The following SAP30L variants were observed in gnomAD, a reference collection of about 807,000 sequenced individuals.
The protein encoded by SAP30L is SAP30 like.
SAP30L carries 10 observed loss-of-function variants against 22.3 expected under a neutral mutation model. The ratio of observed to expected loss-of-function variants is 0.45; its 90% CI spans 0.28 to 0.76. The LOEUF is 0.76. Among genes scored for constraint, SAP30L ranks in the 30% least tolerant of loss-of-function variants. The probability of loss-of-function intolerance (pLI) is 0.14; values close to 1 mark genes in which losing one functional copy is unlikely to be tolerated. For synonymous variants in SAP30L, 91 were observed against 94.1 expected, an observed-to-expected ratio of 0.97 and a Z score of 0.19; for missense variants, 206 against 237.9, an observed-to-expected ratio of 0.87 and a Z score of 0.88.
chr5:154,448,610 A>C (rs912516304), intron 1 of SAP30L, among the ~76,000 whole-genome samples: 3 of 152,222 alleles, frequency 2.0e-5, no homozygotes, highest in African/African-American at 7.2e-5. Flanking sequence ...TCCAGTCCTT[A>C]AAAGAATCTT....
intron 1 of SAP30L, among the ~76,000 whole-genome samples, chr5:154,449,987 A>G (rs1028403556): frequency 6.6e-6 from 1 of 152,244 alleles, no homozygotes; most frequent in Non-Finnish European, 1.5e-5. Flanking sequence ...TATTTTCTCC[A>G]TGAAAAGGTC....
At chr5:154,453,629 T>TA in intron 3 of SAP30L, 129 bp downstream of exon 3, 1 of 677,090 alleles carries the variant, frequency 1.5e-6, no homozygotes, top group East Asian at 2.7e-5. Flanking sequence ...CAACTCTGTA[T>TA]TCCTCTTTGG....
intron 3 of SAP30L, among the ~76,000 whole-genome samples, chr5:154,454,714 C>T (rs1304043323): frequency 1.3e-5 from 2 of 152,176 alleles, no homozygotes; most frequent in African/African-American, 2.4e-5. Flanking sequence ...CCAGTGTTCT[C>T]CCTGGTGGAA....
intron 3 of SAP30L, 109 bp from the exon 4 acceptor site, chr5:154,455,791 A>G (rs1757250537): frequency 7.3e-7 from 1 of 1,364,734 alleles, no homozygotes; most frequent in African/African-American, 1.5e-5. Context: ...AGCATTTGTC[A>G]TTCCCGCCAC....
intron 3 of SAP30L, 102 bp downstream of exon 3, chr5:154,453,602 C>G: frequency 1.2e-6 from 1 of 830,488 alleles, no homozygotes; most frequent in East Asian, 2.5e-5. Context: ...TTGTAATTTC[C>G]TCCAGAGTTC....
rs1582047979 is a variant in SAP30L at position 154,458,670 on chromosome 5, C to T, written c.*2642C>T. Reference sequence around the variant, plus strand: ...GTCTTCTTAAAGAGTATGGTTCCTGCCTCAGTTCCAGCCTGGTATGGTTCT... The same window carrying T: ...GTCTTCTTAAAGAGTATGGTTCCTGTCTCAGTTCCAGCCTGGTATGGTTCT... On this transcript the variant is annotated 3_prime_UTR_variant, in exon 4 of 4. Transcript: ENST00000297109. The T allele has an allele frequency of 6.6e-6, 1 of 152,192 alleles. No homozygotes were observed. The highest frequency in any genetic ancestry group is 1.9e-4 in the East Asian group (1 of 5,198). The allele number at this position is 152,192 out of a possible 1,614,324, so 9.4% of individuals were successfully genotyped here.
At chr5:154,454,459 A>C (rs918111951) in intron 3 of SAP30L, among the ~76,000 whole-genome samples, 11 of 152,248 alleles carry the variant, frequency 7.2e-5, no homozygotes, top group African/African-American at 2.4e-4. Context: ...GAAAAGAAAA[A>C]TATAATTCTA....
Position 154,446,579 on chromosome 5 carries a change from C to T in SAP30L, c.-26C>T, listed in dbSNP as rs926923277. On this transcript the variant is annotated 5_prime_UTR_variant, in exon 1 of 4. Transcript: ENST00000297109. ...GAGTGGCCTACCGGGGACCCTCCCC[C>T]AGAGGGACCGGCCCGGGGCGGGGAG... is the stretch of plus-strand genomic sequence containing the variant. 4.6e-5 allele frequency: 66 copies of T among 1,443,330 alleles called. No individual in the cohort carries two copies. The highest frequency in any genetic ancestry group is 5.5e-5 in the Admixed American group (2 of 36,224). 89.4% of individuals were successfully genotyped at this position (1,443,330 alleles called of 1,614,324 possible).
At position 154,455,917 on chromosome 5, in the gene SAP30L, C is replaced by G. The variant is rs990632261; in HGVS notation, c.441C>G (p.Phe147Leu). The change falls in exon 4 of 4, where the codon TTC becomes TTG. Residue 147 changes from phenylalanine (F) to leucine (L), a missense_variant. By Grantham distance (22) the Phe-to-Leu change is conservative (BLOSUM62 0). Transcript: ENST00000297109. Reference protein sequence around the residue: ...AQLAETVSRHFRNIPVNEKET... With the variant: ...AQLAETVSRHLRNIPVNEKET... ...CCACATAGACTGTGAGTCGACACTTCAGGAACATACCTGTGAATGAAAAAG... is the reference window on the plus strand; with the variant it reads ...CCACATAGACTGTGAGTCGACACTTGAGGAACATACCTGTGAATGAAAAAG... 1 of 1,613,588 alleles carries G rather than the reference C, an allele frequency of 6.2e-7. No homozygotes were observed. Among genetic ancestry groups the G allele is most frequent in the Non-Finnish European group, 8.5e-7 (1 of 1,179,834 alleles).
In SAP30L at chr5:154,456,085, A is replaced by C; in HGVS notation, c.*57A>C. ...AATGCTTGATGCACAGGTGATATCT[A>C]CTACATTTAAGCCCATAAAGACTGT... On this transcript the variant is annotated 3_prime_UTR_variant, in exon 4 of 4. Coordinates refer to ENST00000297109, the MANE Select transcript of SAP30L (RefSeq NM_024632.6). 6.4e-7 allele frequency: 1 copy of C among 1,556,810 alleles called. No homozygotes were observed. Among genetic ancestry groups the C allele is most frequent in the Non-Finnish European group, 8.7e-7 (1 of 1,147,278 alleles).
intron 1 of SAP30L, 65 bp downstream of exon 1, chr5:154,446,870 TC>T: frequency 7.0e-7 from 1 of 1,425,576 alleles, no homozygotes; most frequent in African/African-American, 1.4e-5. Flanking sequence ...TGCCCTGGGC[TC>T]CAGTCGGGAC....
In SAP30L at chr5:154,446,659, G is replaced by T; in HGVS notation, c.55G>T (p.Ala19Ser). ...CCGCGAAGGGCCCCCCGCCGCCCCA[G>T]CTGCCGCCGCCCCGGGCTACGGCCA... ...DSREGPPAAP[A>S]AAAPGYGQSC... The change falls in exon 1 of 4, where the codon GCT (alanine) becomes TCT (serine). Residue 19 changes from alanine to serine, a missense_variant. Transcript: ENST00000297109. 1 of 1,544,692 alleles carries T rather than the reference G, an allele frequency of 6.5e-7. No individual in the cohort carries two copies. Among genetic ancestry groups the T allele is most frequent in the South Asian group, 1.2e-5 (1 of 84,274 alleles).
At chr5:154,450,626 C>G (rs1003705118) in intron 1 of SAP30L, among the ~76,000 whole-genome samples, 1 of 152,140 alleles carries the variant, frequency 6.6e-6, no homozygotes, top group Admixed American at 6.5e-5. Context: ...CCCCTGATGC[C>G]TCACTTTTTC....
At chr5:154,447,860 T>TA (rs1157466075) in intron 1 of SAP30L, among the ~76,000 whole-genome samples, 84 of 152,060 alleles carry the variant, frequency 5.5e-4, no homozygotes, top group Non-Finnish European at 2.1e-4. Flanking sequence ...GTTAATTTCT[T>TA]AAAGATATTA....
At position 154,453,527 on chromosome 5, in the gene SAP30L, G is replaced by C. The variant is rs745316286; in HGVS notation, c.423+27G>C. On this transcript the variant is annotated intron_variant, in intron 3 of 3. Transcript: ENST00000297109. ...TAGGTAGACAAAATTGCCCTCTAAA[G>C]AGAGCCAGCATTGTGCTGCTTCTGA... 4 of 1,450,706 alleles carry C rather than the reference G, an allele frequency of 2.8e-6. No individual in the cohort carries two copies. The South Asian group carries it at 4.6e-5, about 17-fold the overall frequency. The allele number at this position is 1,450,706 out of a possible 1,614,324, so 89.9% of individuals were successfully genotyped here. A position where few individuals can be genotyped will look rare whatever the true frequency, so the allele number is the denominator to read the frequency against.
In SAP30L at chr5:154,458,174, C is replaced by G. The variant is rs1757302773; in HGVS notation, c.*2146C>G. 1 of 152,234 alleles carries G rather than the reference C, an allele frequency of 6.6e-6. No homozygotes were observed. The highest frequency in any genetic ancestry group is 1.5e-5 in the Non-Finnish European group (1 of 68,046). 9.4% of individuals were successfully genotyped at this position (152,234 alleles called of 1,614,324 possible). On this transcript the variant is annotated 3_prime_UTR_variant, in exon 4 of 4. Transcript: ENST00000297109. Reference sequence around the variant, plus strand: ...GAAACCTGGGGAAATGTTTTACCTTCAGCCAGATGCTGTGTGTGTACTTGG... The same window carrying G: ...GAAACCTGGGGAAATGTTTTACCTTGAGCCAGATGCTGTGTGTGTACTTGG...
In SAP30L at chr5:154,456,193, G is replaced by C; in HGVS notation, c.*165G>C. 1.7e-6 allele frequency: 1 copy of C among 599,114 alleles called. No homozygotes were observed. The allele number at this position is 599,114 out of a possible 1,614,324, so 37.1% of individuals were successfully genotyped here. On this transcript the variant is annotated 3_prime_UTR_variant, in exon 4 of 4. Transcript: ENST00000297109. ...AGGAGGATTATATTCTCATGATTCA[G>C]CATGTGTATAGAAAGACTTTCTTTT...
At position 154,453,463 on chromosome 5, in the gene SAP30L, A is replaced by G; in HGVS notation, c.386A>G (p.Gln129Arg). 6.2e-7 allele frequency: 1 copy of G among 1,614,138 alleles called. No individual in the cohort carries two copies. Among genetic ancestry groups the G allele is most frequent in the Non-Finnish European group, 8.5e-7 (1 of 1,179,950 alleles). The part of the protein sequence containing the change: ...LRRYKRHYKL[Q>R]TRPGFNKAQL... Reference sequence around the variant, plus strand: ...CGTTATAAACGACACTACAAGTTGCAGACCAGACCAGGCTTCAATAAGGCC... The same window carrying G: ...CGTTATAAACGACACTACAAGTTGCGGACCAGACCAGGCTTCAATAAGGCC... The change falls in exon 3 of 4, where the codon CAG (glutamine) becomes CGG (arginine). Residue 129 changes from glutamine to arginine, a missense_variant. By Grantham distance (43) the Gln-to-Arg change is conservative. Around this residue, in one of 2 missense-constraint regions of SAP30L, gnomAD observed 136 missense variants for 187.4 expected, o/e 0.73. Coordinates refer to ENST00000297109, the MANE Select transcript of SAP30L (RefSeq NM_024632.6).
intron 1 of SAP30L, among the ~76,000 whole-genome samples, chr5:154,448,861 T>G (rs1013648805): frequency 4.6e-5 from 7 of 152,308 alleles, no homozygotes; most frequent in Admixed American, 1.3e-4. Context: ...TAAGGTGGTG[T>G]TGTGGAGTCA....
Sources: allele counts gnomAD v4.1 joint callset (sites outside exome capture counted in the v4.1 genomes callset), GRCh38; gene constraint gnomAD v4.1.1; regional missense constraint gnomAD v4.1.1; transcripts MANE v1.5; gene names NCBI Gene and HGNC (gene_info 2026-07-23, HGNC 2026-07-21).